Variants in GPR143 observed in about 807,000 individuals in gnomAD.
GPR143 encodes G-protein coupled receptor 143.
In GPR143, 8 loss-of-function variants were observed where a neutral mutation model predicts 27.6. The ratio of observed to expected loss-of-function variants is 0.29; its 90% CI spans 0.17 to 0.52. The LOEUF (loss-of-function observed/expected upper bound fraction) is 0.52, where lower values mean the gene tolerates loss of function less well. GPR143 is among the 20% of genes least tolerant of loss of function. The probability of loss-of-function intolerance (pLI) is 0.96; values close to 1 mark genes in which losing one functional copy is unlikely to be tolerated. For synonymous variants in GPR143, 156 were observed against 153.2 expected, an observed-to-expected ratio of 1.02 and a Z score of -0.13; for missense variants, 303 against 343.1, an observed-to-expected ratio of 0.88 and a Z score of 0.92.
rs757405685 is a variant in GPR143, at chrX:9,772,131, G to A, written c.-2-11305C>T. ...ACTAACCTGGGACAGAAGTCAGGAC[G>A]CAGGGAGGAAAAGAAAGGGAAGAGG... On this transcript the variant is annotated intron_variant, in intron 1 of 7. Coordinates refer to the GPR143 transcript ENST00000447366. Among the ~76,000 whole-genome samples, 10 of 111,941 alleles carry A rather than the reference G, an allele frequency of 8.9e-5. No individual in the cohort carries two copies. In the East Asian group the frequency reaches 2.5e-3, roughly 28 times the overall value.
chrX:9,755,276 G>A (rs941455484), intron 3 of GPR143, among the ~76,000 whole-genome samples: 5 of 111,264 alleles, frequency 4.5e-5, no homozygotes, highest in African/African-American at 1.6e-4. Flanking sequence ...AAATTAGCTG[G>A]TCATGGTGGC....
intron 7 of GPR143, 95 bp from the exon 8 acceptor site, chrX:9,739,814 G>T: frequency 1.6e-6 from 1 of 606,879 alleles, no homozygotes. Context: ...CCCCCAGGAT[G>T]CCCACAGGGC....
At chrX:9,759,995 C>T (rs917444877) in intron 2 of GPR143, among the ~76,000 whole-genome samples, 3 of 112,309 alleles carry the variant, frequency 2.7e-5, no homozygotes, top group East Asian at 2.8e-4. Flanking sequence ...TGAGCACCAC[C>T]GTGACGGATG....
At chrX:9,742,294 G>C (rs765725498) in intron 6 of GPR143, among the ~76,000 whole-genome samples, 1 of 111,449 alleles carries the variant, frequency 9.0e-6, no homozygotes, top group Non-Finnish European at 1.9e-5. Context: ...TTAGAGACAA[G>C]GTCTCGCTCT....
intron 7 of GPR143, among the ~76,000 whole-genome samples, chrX:9,740,447 A>G (rs1204164473): frequency 1.8e-4 from 20 of 112,746 alleles, no homozygotes; most frequent in Admixed American, 1.7e-3. Flanking sequence ...ACACGTGTGC[A>G]TTTCTTCTTA....
At chrX:9,764,740 T>C (rs2083520430) in intron 1 of GPR143, among the ~76,000 whole-genome samples, 1 of 111,711 alleles carries the variant, frequency 9.0e-6, no homozygotes, top group African/African-American at 3.3e-5. Context: ...CAAAACTACC[T>C]AGTCGGCCGG....
At chrX:9,749,609 C>T (rs1010546177) in intron 3 of GPR143, among the ~76,000 whole-genome samples, 5 of 112,254 alleles carry the variant, frequency 4.5e-5, no homozygotes, top group African/African-American at 1.6e-4. Flanking sequence ...TAGCATGGAT[C>T]AGTTTCTTCA....
intron 4 of GPR143, among the ~76,000 whole-genome samples, chrX:9,748,329 T>G (rs1003554952): frequency 8.9e-5 from 10 of 112,867 alleles, no homozygotes; most frequent in Non-Finnish European, 1.3e-4. Context: ...CATGCTTGTG[T>G]GCATGGGTGC....
intron 3 of GPR143, among the ~76,000 whole-genome samples, chrX:9,751,662 G>A (rs1439955573): frequency 8.9e-6 from 1 of 112,241 alleles, no homozygotes; most frequent in African/African-American, 3.2e-5. Flanking sequence ...TTTTTGGGAT[G>A]GTAGAAATGT....
At chrX:9,767,992 G>A (rs1017126786), upstream of GPR143, among the ~76,000 whole-genome samples, 2 of 111,536 alleles carry the variant, frequency 1.8e-5, no homozygotes, top group African/African-American at 3.3e-5. Context: ...AACACACTCC[G>A]CCTCTCTGCT....
chrX:9,755,373 G>A (rs779610294), intron 3 of GPR143, among the ~76,000 whole-genome samples: 32 of 111,045 alleles, frequency 2.9e-4, no homozygotes, highest in Admixed American at 6.7e-4. Flanking sequence ...AGCCAAGATC[G>A]TGCCATTGCA....
chrX:9,752,586 A>G (rs2083455822), intron 3 of GPR143, among the ~76,000 whole-genome samples: 1 of 112,137 alleles, frequency 8.9e-6, no homozygotes, highest in African/African-American at 3.2e-5. Context: ...CCAGAAAAGC[A>G]GAGACTATCA....
At chrX:9,773,271 T>C (rs191397399) in intron 1 of GPR143, among the ~76,000 whole-genome samples, 8 of 111,771 alleles carry the variant, frequency 7.2e-5, no homozygotes, top group South Asian at 3.7e-4. Context: ...TCAGTTCAGT[T>C]CACCTTATCC....
chrX:9,773,789 G>A (rs2083562726), intron 1 of GPR143, among the ~76,000 whole-genome samples: 1 of 110,165 alleles, frequency 9.1e-6, no homozygotes, highest in South Asian at 4.0e-4. Context: ...TCTGTAGCCA[G>A]GGAAGTTGAA....
intron 3 of GPR143, among the ~76,000 whole-genome samples, chrX:9,749,233 C>CA (rs58576641): frequency 6.6e-5 from 7 of 105,388 alleles, no homozygotes; most frequent in African/African-American, 2.5e-4. Context: ...CCCTCCCCCC[C>CA]CAACCCCCTC....
At position 9,764,524 on chromosome X, in the gene GPR143, A is replaced by G. The variant is rs868142615; in HGVS notation, c.250+1044T>C. Among the ~76,000 whole-genome samples the G allele has an allele frequency of 3.2e-3, 345 of 107,389 alleles. 2 individuals carry two copies. Among genetic ancestry groups the G allele is most frequent in the African/African-American group, 0.011 (328 of 29,717 alleles). 93.3% of individuals were successfully genotyped at this position (107,389 alleles called of 115,157 possible). On this transcript the variant is annotated intron_variant, in intron 1 of 8. Transcript: ENST00000467482. The stretch of plus-strand genomic sequence containing the variant: ...CACGCGCACACACACACACACACAC[A>G]CACACACACACACACACACAGAGCG...
intron 8 of GPR143, among the ~76,000 whole-genome samples, chrX:9,729,714 T>C (rs2083344750): frequency 8.9e-6 from 1 of 112,012 alleles, no homozygotes; most frequent in South Asian, 3.8e-4. Context: ...TTGCAAAATC[T>C]GTGAAGATCT....
At chrX:9,757,719 G>A (rs989220472) in intron 3 of GPR143, among the ~76,000 whole-genome samples, 2 of 111,251 alleles carry the variant, frequency 1.8e-5, no homozygotes, top group East Asian at 2.8e-4. Flanking sequence ...CTGGATTTTA[G>A]GCTTTAAACA....
At chrX:9,773,002 T>A (rs2083559615) in intron 1 of GPR143, among the ~76,000 whole-genome samples, 3 of 110,978 alleles carry the variant, frequency 2.7e-5, no homozygotes, top group Admixed American at 9.8e-5. Context: ...TGCTATTAAA[T>A]GTTTAATGAC....
Sources: gnomAD v4.1 joint callset for allele counts (sites outside exome capture counted in the v4.1 genomes callset) on GRCh38, gnomAD v4.1.1 for gene constraint, MANE v1.5 for transcripts, NCBI Gene and HGNC (gene_info 2026-07-23, HGNC 2026-07-21) for gene names.